JAK1: variants seen among roughly 807,000 people sequenced by gnomAD.
JAK1 encodes Janus kinase 1, also known as tyrosine-protein kinase JAK1.
A neutral mutation model predicts 136.6 loss-of-function variants in JAK1; 16 were observed. The observed-to-expected ratio is 0.12, with a 90% CI of 0.08 to 0.18. The LOEUF (loss-of-function observed/expected upper bound fraction) is 0.18. Among genes scored for constraint, JAK1 ranks in the 10% least tolerant of loss-of-function variants. The probability of loss-of-function intolerance (pLI) is 1.00; values close to 1 mark genes in which losing one functional copy is unlikely to be tolerated. For missense variants in JAK1, 859 were observed against 1,450.1 expected, an observed-to-expected ratio of 0.59 and a Z score of 6.62; for synonymous variants, 492 against 519.5, an observed-to-expected ratio of 0.95 and a Z score of 0.72.
chr1:64,937,318 T>G (rs1368669069), intron 1 of JAK1, among the ~76,000 whole-genome samples: 3 of 152,186 alleles, frequency 2.0e-5, no homozygotes, highest in Non-Finnish European at 4.4e-5. Flanking sequence ...AGTAGTACTT[T>G]TGGTTTCCAG....
At chr1:64,891,630 C>T (rs961499772) in intron 1 of JAK1, among the ~76,000 whole-genome samples, 1 of 152,194 alleles carries the variant, frequency 6.6e-6, no homozygotes, top group Non-Finnish European at 1.5e-5. Context: ...ACCCATAGAG[C>T]CACCGAAAAT....
Position 64,833,555 on chromosome 1 carries a change from A to G in JAK1, c.*1007T>C, listed in dbSNP as rs1433274717. ...CTGTCTAGTGGATCCTGAAGTCCATAGTGCCTCTAGCCGGGTCTTTCAAGT... is the reference window on the plus strand; with the variant it reads ...CTGTCTAGTGGATCCTGAAGTCCATGGTGCCTCTAGCCGGGTCTTTCAAGT... On this transcript the variant is annotated 3_prime_UTR_variant, in exon 25 of 25. Transcript: ENST00000342505. 4.3e-6 allele frequency: 1 copy of G among 232,930 alleles called. No individual in the cohort carries two copies. The highest frequency in any genetic ancestry group is 6.0e-5 in the East Asian group (1 of 16,582). The allele number at this position is 232,930 out of a possible 1,614,324, so 14.4% of individuals were successfully genotyped here. A position where few individuals can be genotyped will look rare whatever the true frequency, so the allele number is the denominator to read the frequency against.
intron 5 of JAK1, among the ~76,000 whole-genome samples, chr1:64,871,516 GT>G (rs1657071740): frequency 6.6e-6 from 1 of 152,102 alleles, no homozygotes; most frequent in Non-Finnish European, 1.5e-5. Context: ...ATCTCCACTT[GT>G]ATGTTTCACA....
intron 5 of JAK1, among the ~76,000 whole-genome samples, chr1:64,870,108 G>A (rs1656986251): frequency 6.6e-6 from 1 of 152,184 alleles, no homozygotes. Flanking sequence ...GCAGTGCCCA[G>A]CCCAGCTTTG....
chr1:64,836,076 T>C lies in JAK1; in HGVS notation c.3258+22A>G, dbSNP rs753424110. On this transcript the variant is annotated intron_variant, in intron 23 of 24. Coordinates refer to ENST00000342505, the MANE Select transcript of JAK1 (RefSeq NM_002227.4). ...ATTTTAAATGGGTACTGGATTCAAA[T>C]GAAGAGAAAAGTAGGACTTACAGCC... The C allele has an allele frequency of 7.4e-6, 10 of 1,356,294 alleles. No individual in the cohort carries two copies. The South Asian group carries it at 1.2e-4, about 16-fold the overall frequency. The allele number at this position is 1,356,294 out of a possible 1,614,324, so 84.0% of individuals were successfully genotyped here.
chr1:64,999,585 A>C (rs1463301083), intron 2 of JAK1, among the ~76,000 whole-genome samples: 1 of 152,102 alleles, frequency 6.6e-6, no homozygotes, highest in Non-Finnish European at 1.5e-5. Context: ...AATAGAAAAA[A>C]TTAACTGGGT....
intron 1 of JAK1, among the ~76,000 whole-genome samples, chr1:64,947,528 G>C (rs1646008708): frequency 6.6e-6 from 1 of 152,116 alleles, no homozygotes; most frequent in Non-Finnish European, 1.5e-5. Context: ...CAGAATAGCA[G>C]GATTCTTACT....
chr1:64,916,929 C>G (rs1645407648), intron 1 of JAK1, among the ~76,000 whole-genome samples: 1 of 151,578 alleles, frequency 6.6e-6, no homozygotes, highest in Admixed American at 6.6e-5. Context: ...AGGGGGCAAT[C>G]CAGACAGTCA....
intron 1 of JAK1, among the ~76,000 whole-genome samples, chr1:65,065,469 C>T (rs1647996847): frequency 6.6e-6 from 1 of 151,978 alleles, no homozygotes; most frequent in Non-Finnish European, 1.5e-5. Flanking sequence ...TTTCTCCACC[C>T]CTCTCCCCAA....
At chr1:64,888,234 T>A (rs148851202) in intron 1 of JAK1, among the ~76,000 whole-genome samples, 3,541 of 152,320 alleles carry the variant, frequency 0.023, 127 homozygotes, top group African/African-American at 0.081. Flanking sequence ...CAGGCTGGAG[T>A]GCAGTGGCAT....
At chr1:65,067,063 A>G (rs1648084607) in intron 1 of JAK1, among the ~76,000 whole-genome samples, 1 of 151,946 alleles carries the variant, frequency 6.6e-6, no homozygotes, top group Non-Finnish European at 1.5e-5. Flanking sequence ...ACCCCTCGGG[A>G]AAAACACACG....
rs1654422753 is a variant in JAK1 at position 64,835,439 on chromosome 1, T to C, written c.3326A>G (p.Lys1109Arg). Residue 1109 changes from lysine (K) to arginine (R), a missense_variant, in exon 24 of 25, where the codon AAA (lysine) becomes AGA (arginine). Physicochemically the swap from Lys to Arg is conservative, Grantham distance 26 (BLOSUM62 2). This residue lies in a region of JAK1 where 53 missense variants were observed against 64.8 expected (regional missense o/e 0.82). Coordinates refer to ENST00000342505, the MANE Select transcript of JAK1 (RefSeq NM_002227.4). The part of the protein sequence containing the change: ...MTVTRLVNTL[K>R]EGKRLPCPPN... ...TGGGCACGGCAGGCGTTTTCCTTCT[T>C]TTAACGTATTCACAAGTCTTGTGAC... 2 of 1,610,280 alleles carry C rather than the reference T, an allele frequency of 1.2e-6. No homozygotes were observed.
intron 2 of JAK1, among the ~76,000 whole-genome samples, chr1:65,034,581 A>G (rs1421841240): frequency 6.6e-6 from 1 of 152,222 alleles, no homozygotes; most frequent in Non-Finnish European, 1.5e-5. Flanking sequence ...AGTCCACACA[A>G]GCTTTCTTCC....
chr1:64,944,768 G>T (rs1645953880), intron 1 of JAK1, among the ~76,000 whole-genome samples: 1 of 152,088 alleles, frequency 6.6e-6, no homozygotes, highest in African/African-American at 2.4e-5. Flanking sequence ...CGATTGAGAG[G>T]ATATTCGTGA....
intron 2 of JAK1, among the ~76,000 whole-genome samples, chr1:65,033,057 C>A (rs1431223491): frequency 6.6e-6 from 1 of 152,198 alleles, no homozygotes; most frequent in Non-Finnish European, 1.5e-5. Context: ...TTAATCCTTT[C>A]CTCCTTCTTG....
intron 1 of JAK1, among the ~76,000 whole-genome samples, chr1:64,930,310 AAAAC>A (rs1645665683): frequency 7.0e-6 from 1 of 142,372 alleles, no homozygotes; most frequent in African/African-American, 2.7e-5. Context: ...TTATAAGGAA[AAAAC>A]AACCCCATCA....
At chr1:64,862,756 T>G (rs1056537016) in intron 8 of JAK1, among the ~76,000 whole-genome samples, 1 of 152,170 alleles carries the variant, frequency 6.6e-6, no homozygotes, top group Non-Finnish European at 1.5e-5. Flanking sequence ...TCGGGGTCTC[T>G]GGGGGATGAT....
rs310249 is a variant in JAK1 at position 64,891,634 on chromosome 1, C to T, written c.-77-5293G>A. On this transcript the variant is annotated intron_variant, in intron 1 of 24. Transcript: ENST00000342505. ...AGTGGCTTCACACCCATAGAGCCACCGAAAATGACTTGTATCTATTGCTAC... is the reference window on the plus strand; with the variant it reads ...AGTGGCTTCACACCCATAGAGCCACTGAAAATGACTTGTATCTATTGCTAC... 1.4e-4 allele frequency among the ~76,000 whole-genome samples: 22 copies of T among 152,108 alleles called. No individual in the cohort carries two copies. The East Asian group carries it at 3.3e-3, about 23-fold the overall frequency.
chr1:64,970,899 G>A (rs1646446308), upstream of JAK1, among the ~76,000 whole-genome samples: 1 of 152,146 alleles, frequency 6.6e-6, no homozygotes, highest in Non-Finnish European at 1.5e-5. Context: ...ACCAAATGCA[G>A]TGTAGAAGCC....
Sources: gnomAD v4.1 joint callset for allele counts (sites outside exome capture counted in the v4.1 genomes callset) on GRCh38, gnomAD v4.1.1 for gene constraint, gnomAD v4.1.1 regional missense constraint, MANE v1.5 for transcripts, NCBI Gene and HGNC (gene_info 2026-07-23, HGNC 2026-07-21) for gene names.